CFAP54: variants seen among roughly 807,000 people sequenced by gnomAD.
CFAP54 encodes the protein cilia- and flagella-associated protein 54.
Under a neutral mutation model 370.4 loss-of-function variants are expected in CFAP54, and 290 were observed. The observed-to-expected ratio is 0.78, with a 90% confidence interval of 0.71 to 0.86. The LOEUF (loss-of-function observed/expected upper bound fraction) is 0.86, where lower values mean the gene tolerates loss of function less well. CFAP54 is among the 40% of genes least tolerant of loss of function. CFAP54 has a pLI of 0.00. For synonymous variants in CFAP54, 1,206 were observed against 1,236.5 expected, an observed-to-expected ratio of 0.98 and a Z score of 0.52; for missense variants, 3,399 against 3,528.7, an observed-to-expected ratio of 0.96 and a Z score of 0.93.
intron 66 of CFAP54, among the ~76,000 whole-genome samples, chr12:96,851,078 C>G (rs1017252503): frequency 2.0e-5 from 3 of 152,104 alleles, no homozygotes; most frequent in Admixed American, 1.3e-4. Context: ...CCTTTTAATG[C>G]TATCATTTTA....
chr12:96,617,916 G>A (rs1956439650), intron 26 of CFAP54, among the ~76,000 whole-genome samples: 1 of 148,326 alleles, frequency 6.7e-6, no homozygotes, highest in Admixed American at 6.9e-5. Flanking sequence ...CGTGAACCCG[G>A]GAGGCAGAGC....
chr12:96,748,365 A>G (rs954970612), intron 55 of CFAP54, among the ~76,000 whole-genome samples: 6 of 151,992 alleles, frequency 3.9e-5, no homozygotes, highest in Admixed American at 2.0e-4. Flanking sequence ...AAGAAACTCT[A>G]TTTCTAATTT....
intron 50 of CFAP54, among the ~76,000 whole-genome samples, chr12:96,731,540 A>C (rs1021524748): frequency 1.3e-5 from 2 of 152,240 alleles, no homozygotes; most frequent in African/African-American, 4.8e-5. Context: ...AAGAACTGAT[A>C]GTATTTGTTG....
At chr12:96,556,689 T>C (rs61450888) in intron 17 of CFAP54, among the ~76,000 whole-genome samples, 15,274 of 152,106 alleles carry the variant, frequency 0.1, 1,248 homozygotes, top group East Asian at 0.45. Context: ...AAAGAAAACA[T>C]GGTAAATACA....
chr12:96,571,439 T>C (rs1422575065), intron 19 of CFAP54, among the ~76,000 whole-genome samples: 1 of 152,192 alleles, frequency 6.6e-6, no homozygotes, highest in Non-Finnish European at 1.5e-5. Flanking sequence ...GTCCCCGTGA[T>C]AGGTAAAGGC....
intron 58 of CFAP54, among the ~76,000 whole-genome samples, chr12:96,760,227 T>C (rs971295695): frequency 6.6e-6 from 1 of 152,148 alleles, no homozygotes; most frequent in Non-Finnish European, 1.5e-5. Context: ...CAAGTAGTTA[T>C]GTGGGAGAAA....
At chr12:96,842,605 A>T (rs1034911308) in intron 66 of CFAP54, among the ~76,000 whole-genome samples, 8 of 152,218 alleles carry the variant, frequency 5.3e-5, no homozygotes, top group African/African-American at 7.2e-5. Context: ...GAACAAAAAA[A>T]AATTAAGAAT....
chr12:96,827,980 T>C lies in CFAP54; in HGVS notation c.9097-1034T>C, dbSNP rs1443798488. 1.2e-4 allele frequency among the ~76,000 whole-genome samples: 14 copies of C among 119,082 alleles called. 1 individual carries two copies. Among genetic ancestry groups the C allele is most frequent in the African/African-American group, 4.3e-4 (13 of 30,556 alleles). The allele number at this position is 119,082 out of a possible 152,430, so 78.1% of individuals were successfully genotyped here. ...ATATATAATACATAGTAATATATTA[T>C]ATTATATATAGTTATATATAATATA... is the stretch of plus-strand genomic sequence containing the variant. On this transcript the variant is annotated intron_variant, in intron 65 of 67. Transcript: ENST00000524981.
intron 63 of CFAP54, among the ~76,000 whole-genome samples, chr12:96,806,161 T>TAC: frequency 2.8e-4 from 2 of 7,238 alleles, no homozygotes; most frequent in East Asian, 2.3e-3. Flanking sequence ...ACTAGCCAAA[T>TAC]ATATATATAT....
chr12:96,564,770 C>T lies in CFAP54; in HGVS notation c.2619+5C>T, dbSNP rs1351997666. On this transcript the variant is annotated splice_donor_5th_base_variant and intron_variant, in intron 19 of 67. Transcript: ENST00000524981. Reference sequence around the variant, plus strand: ...TCTTCATGGGAACTTTTGATGGTAACAGTATTTCATTTCTTCTTTTAATCC... The same window carrying T: ...TCTTCATGGGAACTTTTGATGGTAATAGTATTTCATTTCTTCTTTTAATCC... 4 of 596,474 alleles carry T rather than the reference C, an allele frequency of 6.7e-6. No individual in the cohort carries two copies. Among genetic ancestry groups the T allele is most frequent in the Non-Finnish European group, 8.8e-6 (3 of 342,334 alleles). 36.9% of individuals were successfully genotyped at this position (596,474 alleles called of 1,614,324 possible).
intron 9 of CFAP54, among the ~76,000 whole-genome samples, chr12:96,532,908 A>G (rs1955455850): frequency 6.6e-6 from 1 of 152,134 alleles, no homozygotes; most frequent in Non-Finnish European, 1.5e-5. Context: ...AACATAAGCC[A>G]CTGTGACTGG....
rs138635049 is a variant in CFAP54, at chr12:96,603,537, A to C, written c.3639+4770A>C. On this transcript the variant is annotated intron_variant, in intron 26 of 67. Transcript: ENST00000524981. ...GGTTGGGGAAATTCTCCTGGATAAT[A>C]TCCTGCAGAGTGTTTTCCAACTTCG... 3.2e-3 allele frequency among the ~76,000 whole-genome samples: 481 copies of C among 152,336 alleles called. 2 individuals carry two copies. Among genetic ancestry groups the C allele is most frequent in the African/African-American group, 0.011 (465 of 41,562 alleles).
chr12:96,763,336 T>C (rs908238530), intron 58 of CFAP54, among the ~76,000 whole-genome samples: 5 of 152,218 alleles, frequency 3.3e-5, no homozygotes, highest in Non-Finnish European at 7.3e-5. Flanking sequence ...AACTTTATGA[T>C]AATACTATCT....
At chr12:96,693,194 C>T (rs568942668) in intron 44 of CFAP54, among the ~76,000 whole-genome samples, 8 of 152,208 alleles carry the variant, frequency 5.3e-5, no homozygotes, top group South Asian at 4.1e-4. Context: ...TCTCATTCAA[C>T]GGTGCCTAAC....
chr12:96,654,364 A>G (rs958558416), intron 36 of CFAP54, among the ~76,000 whole-genome samples: 11 of 151,326 alleles, frequency 7.3e-5, no homozygotes, highest in South Asian at 4.2e-4. Flanking sequence ...AGCCGGGCGT[A>G]GTGGCGGGCG....
chr12:96,490,746 A>G (rs555720171), intron 1 of CFAP54, among the ~76,000 whole-genome samples: 1 of 152,068 alleles, frequency 6.6e-6, no homozygotes, highest in South Asian at 2.1e-4. Context: ...TATGCATATA[A>G]CAACTATTTA....
rs1382196140 is a variant in CFAP54, at chr12:96,580,957, G to T, written c.2927G>T (p.Gly976Val). The T allele has an allele frequency of 2.0e-6, 3 of 1,529,318 alleles. No individual in the cohort carries two copies. Among genetic ancestry groups the T allele is most frequent in the Admixed American group, 2.0e-5 (1 of 50,096 alleles). 94.7% of individuals were successfully genotyped at this position (1,529,318 alleles called of 1,614,324 possible). The change falls in exon 22 of 68, where the codon GGT becomes GTT. Residue 976 changes from glycine (G) to valine (V), a missense_variant. Around this residue, in one of 3 missense-constraint regions of CFAP54, gnomAD observed 2,796 missense variants for 2,869.7 expected, o/e 0.97. Coordinates refer to ENST00000524981, the MANE Select transcript of CFAP54 (RefSeq NM_001306084.2). ...ADGKSVFEVK[G>V]LETNEKYVFA... Reference sequence around the variant, plus strand: ...GGTAAAAGTGTTTTTGAAGTGAAAGGTTTAGAAACCAATGAAAAGTATGTA... The same window carrying T: ...GGTAAAAGTGTTTTTGAAGTGAAAGTTTTAGAAACCAATGAAAAGTATGTA...
chr12:96,806,181 TATATATATATATATATATATA>T (rs1958876601), intron 63 of CFAP54, among the ~76,000 whole-genome samples: 1 of 73,716 alleles, frequency 1.4e-5, no homozygotes, highest in Non-Finnish European at 2.8e-5. Flanking sequence ...TATATATATA[TATATATATATATATATATATA>T]TATATATATA....
At chr12:96,811,351 CAT>C (rs1958926122) in intron 63 of CFAP54, among the ~76,000 whole-genome samples, 1 of 152,092 alleles carries the variant, frequency 6.6e-6, no homozygotes, top group South Asian at 2.1e-4. Context: ...TAAGTGAACT[CAT>C]AGAAATGACT....
Sources: gnomAD v4.1 joint callset for allele counts (sites outside exome capture counted in the v4.1 genomes callset) on GRCh38, gnomAD v4.1.1 for gene constraint, gnomAD v4.1.1 regional missense constraint, MANE v1.5 for transcripts, NCBI Gene and HGNC (gene_info 2026-07-23, HGNC 2026-07-21) for gene names.